The following ZMYND15 variants were observed in gnomAD, a reference collection of about 807,000 sequenced individuals.
ZMYND15 encodes the protein zinc finger MYND-type containing 15.
Under a neutral mutation model 81.7 loss-of-function variants are expected in ZMYND15, and 54 were observed. The ratio of observed to expected loss-of-function variants is 0.66; its 90% confidence interval spans 0.53 to 0.83. ZMYND15 has a LOEUF of 0.83. Among genes scored for constraint, ZMYND15 ranks in the 40% least tolerant of loss-of-function variants. The pLI is 0.00. For synonymous variants in ZMYND15, 399 were observed against 387.0 expected (o/e 1.03, Z -0.36); for missense variants, 925 against 973.5 (o/e 0.95, Z 0.66).
Position 4,745,735 on chromosome 17 carries a change from G to GGGAGCCCCGA in ZMYND15, c.2058-84_2058-83insGGAGCCCCGA. The GGGAGCCCCGA allele has an allele frequency of 2.6e-6, 2 of 775,946 alleles. No homozygotes were observed. Among genetic ancestry groups the GGGAGCCCCGA allele is most frequent in the South Asian group, 2.1e-5 (1 of 47,416 alleles). The allele number at this position is 775,946 out of a possible 1,614,324, so 48.1% of individuals were successfully genotyped here. A position where few individuals can be genotyped will look rare whatever the true frequency, so the allele number is the denominator to read the frequency against. ...GCCCCGCCCCCTGGTCCCTGACCGC[G>GGGAGCCCCGA]CCCCTGGGAGCCCCGACCCCTGGGA... is the stretch of plus-strand genomic sequence containing the variant. On this transcript the variant is annotated intron_variant, in intron 13 of 13. Transcript: ENST00000433935. This position sits in a 1 kb window ranked among gnomAD's most constrained non-coding sequence, Gnocchi z 5.2.
rs186767116 is a variant in ZMYND15 at position 4,744,834 on chromosome 17, C to T, written c.1838-36C>T. 303 of 1,614,100 alleles carry T rather than the reference C, an allele frequency of 1.9e-4. 1 individual carries two copies. The highest frequency in any genetic ancestry group is 1.4e-3 in the Admixed American group (86 of 60,000). On this transcript the variant is annotated intron_variant, in intron 11 of 13. Transcript: ENST00000433935. The surrounding 1 kb of genome is among the most constrained non-coding windows in gnomAD (Gnocchi z 4.1). ...TGGGGAAGGTGGGAGAGAAGCCCAC[C>T]GTGGGAGCCAGCTTCTCCCTCCTCT... is the stretch of plus-strand genomic sequence containing the variant.
rs531504838 is a variant in ZMYND15 at position 4,745,051 on chromosome 17, T to C, written c.1896+123T>C. The C allele has an allele frequency of 7.1e-5, 108 of 1,522,444 alleles. No individual in the cohort carries two copies. Among genetic ancestry groups the C allele is most frequent in the Admixed American group, 5.6e-4 (32 of 57,358 alleles). The allele number at this position is 1,522,444 out of a possible 1,614,324, so 94.3% of individuals were successfully genotyped here. ...TCACCTGCTCCACAAACCTGGGGAGTGCCCACGGGTCCCCCTGCCTCTCTC... is the reference window on the plus strand; with the variant it reads ...TCACCTGCTCCACAAACCTGGGGAGCGCCCACGGGTCCCCCTGCCTCTCTC... On this transcript the variant is annotated intron_variant, in intron 12 of 13. Coordinates refer to ENST00000433935, the MANE Select transcript of ZMYND15 (RefSeq NM_001136046.3). The surrounding 1 kb of genome is among the most constrained non-coding windows in gnomAD (Gnocchi z 5.2).
In ZMYND15 at chr17:4,743,484, C is replaced by T. The variant is rs746233538; in HGVS notation, c.1297+29C>T. 5.0e-6 allele frequency: 8 copies of T among 1,612,216 alleles called. No individual in the cohort carries two copies. The East Asian group carries it at 1.1e-4, about 22-fold the overall frequency. On this transcript the variant is annotated intron_variant, in intron 6 of 13. Transcript: ENST00000433935. The surrounding 1 kb of genome is among the most constrained non-coding windows in gnomAD (Gnocchi z 4.3). ...CGTGGGGTCTCTCCAGGCATGGGCCCCTTGGCCTAGAGGGAAGGACTGGGA... is the reference window on the plus strand; with the variant it reads ...CGTGGGGTCTCTCCAGGCATGGGCCTCTTGGCCTAGAGGGAAGGACTGGGA...
chr17:4,744,498 C>T lies in ZMYND15; in HGVS notation c.1683+31C>T, dbSNP rs369111723. 2 of 1,613,454 alleles carry T rather than the reference C, an allele frequency of 1.2e-6. No individual in the cohort carries two copies. Among genetic ancestry groups the T allele is most frequent in the South Asian group, 2.2e-5 (2 of 91,052 alleles). On this transcript the variant is annotated intron_variant, in intron 10 of 13. Transcript: ENST00000433935. The surrounding 1 kb of genome is among the most constrained non-coding windows in gnomAD (Gnocchi z 4.1). ...GGCTGAGGGGGCCCTGCTTTTCAGCCCTGACCCCTCCAGTGACCTCCTGGT... is the reference window on the plus strand; with the variant it reads ...GGCTGAGGGGGCCCTGCTTTTCAGCTCTGACCCCTCCAGTGACCTCCTGGT...
In ZMYND15 at chr17:4,745,346, C is replaced by T. The variant is rs1720033921; in HGVS notation, c.2028C>T (p.Arg676=). Residue 676 remains arginine (R), a synonymous_variant, in exon 13 of 14, where the codon CGC becomes CGT. Transcript: ENST00000433935. This position sits in a 1 kb window ranked among gnomAD's most constrained non-coding sequence, Gnocchi z 5.2. ...CCAACCCCTTCCGCTCCCCCTTTCG[C>T]CTCAGAGCGGCCGACAACTGCATGT... The part of the protein sequence containing the change: ...PQPNPFRSPF[R]LRAADNCMSW... The T allele has an allele frequency of 4.3e-6, 7 of 1,609,352 alleles. No individual in the cohort carries two copies. The Admixed American group carries it at 1.2e-4, about 27-fold the overall frequency.
chr17:4,743,876 G>A lies in ZMYND15; in HGVS notation c.1378+29G>A. The stretch of plus-strand genomic sequence containing the variant: ...AGCTGGAGGGGCCCTGTGGAAGCTA[G>A]GGGTAGGGCCAGGGACTGGAGAACC... On this transcript the variant is annotated intron_variant, in intron 7 of 13. Coordinates refer to ENST00000433935, the MANE Select transcript of ZMYND15 (RefSeq NM_001136046.3). This position sits in a 1 kb window ranked among gnomAD's most constrained non-coding sequence, Gnocchi z 4.3. The A allele has an allele frequency of 1.9e-6, 3 of 1,611,578 alleles. No individual in the cohort carries two copies. The highest frequency in any genetic ancestry group is 2.2e-5 in the East Asian group (1 of 44,844).
chr17:4,741,783 G>C lies in ZMYND15; in HGVS notation c.794G>C (p.Arg265Pro). ...PMGSGDPRKP[R>P]QLTVGDARLH... ...GGCTCTGGGGATCCCCGAAAGCCCCGACAGCTTACTGTGGGAGATGCCCGG... is the reference window on the plus strand; with the variant it reads ...GGCTCTGGGGATCCCCGAAAGCCCCCACAGCTTACTGTGGGAGATGCCCGG... The change falls in exon 3 of 14, where the codon CGA becomes CCA. Residue 265 changes from arginine (R) to proline (P), a missense_variant. Coordinates refer to ENST00000433935, the MANE Select transcript of ZMYND15 (RefSeq NM_001136046.3). The C allele has an allele frequency of 6.3e-7, 1 of 1,580,100 alleles. No homozygotes were observed. Among genetic ancestry groups the C allele is most frequent in the Non-Finnish European group, 8.6e-7 (1 of 1,161,206 alleles).
At position 4,744,946 on chromosome 17, in the gene ZMYND15, A is replaced by G; in HGVS notation, c.1896+18A>G. 6.2e-7 allele frequency: 1 copy of G among 1,613,862 alleles called. No individual in the cohort carries two copies. Among genetic ancestry groups the G allele is most frequent in the South Asian group, 1.1e-5 (1 of 91,076 alleles). ...GGTTACAGGTGGGCAATGGGGGCAA[A>G]AGGGAACTTCTCTCCCCTCCTGCCT... On this transcript the variant is annotated intron_variant, in intron 12 of 13. Coordinates refer to ENST00000433935, the MANE Select transcript of ZMYND15 (RefSeq NM_001136046.3). This position sits in a 1 kb window ranked among gnomAD's most constrained non-coding sequence, Gnocchi z 4.1.
rs1311241242 is a variant in ZMYND15, at chr17:4,743,930, T to C, written c.1379-61T>C. 3 of 1,574,370 alleles carry C rather than the reference T, an allele frequency of 1.9e-6. No homozygotes were observed. Among genetic ancestry groups the C allele is most frequent in the Non-Finnish European group, 1.7e-6 (2 of 1,156,808 alleles). On this transcript the variant is annotated intron_variant, in intron 7 of 13. Transcript: ENST00000433935. The surrounding 1 kb of genome is among the most constrained non-coding windows in gnomAD (Gnocchi z 4.3). ...GCCTGGGTGGCTGTGAAGAAGAGGT[T>C]TGTTAGACTAGAGGGGGTGGGGGTC...
rs575390756 is a variant in ZMYND15 at position 4,744,709 on chromosome 17, G to A, written c.1768G>A (p.Asp590Asn). The change falls in exon 11 of 14, where the codon GAC becomes AAC. Residue 590 changes from aspartate (D) to asparagine (N), a missense_variant. Coordinates refer to ENST00000433935, the MANE Select transcript of ZMYND15 (RefSeq NM_001136046.3). This position sits in a 1 kb window ranked among gnomAD's most constrained non-coding sequence, Gnocchi z 4.1. The part of the protein sequence containing the change: ...SGTKEKGGRR[D>N]LQIKVSARPY... ...CACTAAGGAGAAAGGGGGCCGCAGG[G>A]ACCTGCAGATCAAGGTGTCAGCAAG... 5.1e-5 allele frequency: 83 copies of A among 1,614,120 alleles called. 3 individuals are homozygous for A. In the South Asian group the frequency reaches 8.9e-4, roughly 17 times the overall value.
At position 4,741,810 on chromosome 17, in the gene ZMYND15, T is replaced by C; in HGVS notation, c.821T>C (p.Leu274Pro). ...PRQLTVGDAR[L>P]HRELESLVPR... is the part of the protein sequence containing the mutation. ...CAGCTTACTGTGGGAGATGCCCGGC[T>C]GCATCGGTATAGAAATCTGGTATCT... Residue 274 changes from leucine (L) to proline (P), a missense_variant, in exon 3 of 14, where the codon CTG (leucine) becomes CCG (proline). Transcript: ENST00000433935. 1 of 1,573,648 alleles carries C rather than the reference T, an allele frequency of 6.4e-7. No homozygotes were observed. Among genetic ancestry groups the C allele is most frequent in the South Asian group, 1.2e-5 (1 of 85,174 alleles).
Position 4,745,012 on chromosome 17 carries a change from C to T in ZMYND15, c.1896+84C>T, listed in dbSNP as rs957809649. The T allele has an allele frequency of 6.3e-7, 1 of 1,583,912 alleles. No homozygotes were observed. The highest frequency in any genetic ancestry group is 1.1e-5 in the South Asian group (1 of 89,882). On this transcript the variant is annotated intron_variant, in intron 12 of 13. Coordinates refer to ENST00000433935, the MANE Select transcript of ZMYND15 (RefSeq NM_001136046.3). The surrounding 1 kb of genome is among the most constrained non-coding windows in gnomAD (Gnocchi z 5.2). ...CCTTTTCTGAAAGTCTCTGGGCTCT[C>T]CTCCTCTTCACCATCACCTGCTCCA... is the stretch of plus-strand genomic sequence containing the variant.
chr17:4,741,031 A>G lies in ZMYND15; in HGVS notation c.483A>G (p.Pro161=). The G allele has an allele frequency of 6.4e-7, 1 of 1,552,954 alleles. No homozygotes were observed. The highest frequency in any genetic ancestry group is 8.7e-7 in the Non-Finnish European group (1 of 1,147,528). ...AGTCCCCCCAGGAAACAAACCCTCC[A>G]GGAGAGTCAGAGGAGGCTGCCCGGG... is the stretch of plus-strand genomic sequence containing the variant. ...SRESPQETNP[P]GESEEAAREA... Residue 161 remains proline, a synonymous_variant, in exon 2 of 14, where the codon CCA becomes CCG. Transcript: ENST00000433935.
Position 4,743,066 on chromosome 17 carries a change from T to C in ZMYND15, c.1145-237T>C, listed in dbSNP as rs899490320. Among the ~76,000 whole-genome samples, 1 of 151,884 alleles carries C rather than the reference T, an allele frequency of 6.6e-6. No homozygotes were observed. Among genetic ancestry groups the C allele is most frequent in the Non-Finnish European group, 1.5e-5 (1 of 67,960 alleles). ...TGAGATCAGCCTGGGCAACATAGACTCTGTCTCTACAAAAAATAGAAAAAA... is the reference window on the plus strand; with the variant it reads ...TGAGATCAGCCTGGGCAACATAGACCCTGTCTCTACAAAAAATAGAAAAAA... On this transcript the variant is annotated intron_variant, in intron 5 of 13. Coordinates refer to ENST00000433935, the MANE Select transcript of ZMYND15 (RefSeq NM_001136046.3). The surrounding 1 kb of genome is among the most constrained non-coding windows in gnomAD (Gnocchi z 4.3).
Position 4,745,223 on chromosome 17 carries a change from A to C in ZMYND15, c.1905A>C (p.Arg635=). ...CTCTCGCTCCACCCCAGTCCCTCCG[A>C]GTGCCAGCCTTCTTCACCGAGAGCA... ...LRSLPRLQSL[R]VPAFFTESSE... Residue 635 remains arginine, a synonymous_variant, in exon 13 of 14, where the codon CGA becomes CGC. Transcript: ENST00000433935. The surrounding 1 kb of genome is among the most constrained non-coding windows in gnomAD (Gnocchi z 5.2). 3 of 1,613,806 alleles carry C rather than the reference A, an allele frequency of 1.9e-6. No individual in the cohort carries two copies. The highest frequency in any genetic ancestry group is 2.5e-6 in the Non-Finnish European group (3 of 1,179,950).
rs1916578432 is a variant in ZMYND15, at chr17:4,744,538, C to T, written c.1683+71C>T. ...GACCTCCTGGTTGGGTCCTGCCCTT[C>T]TGCCCCCCACTCCCCATCTTGCCTG... On this transcript the variant is annotated intron_variant, in intron 10 of 13. Coordinates refer to ENST00000433935, the MANE Select transcript of ZMYND15 (RefSeq NM_001136046.3). This position sits in a 1 kb window ranked among gnomAD's most constrained non-coding sequence, Gnocchi z 4.1. 15 of 1,604,080 alleles carry T rather than the reference C, an allele frequency of 9.4e-6. No individual in the cohort carries two copies. The highest frequency in any genetic ancestry group is 1.2e-5 in the Non-Finnish European group (14 of 1,173,954).
rs1389508710 is a variant in ZMYND15 at position 4,745,147 on chromosome 17, T to G, written c.1897-68T>G. 6.2e-7 allele frequency: 1 copy of G among 1,610,572 alleles called. No individual in the cohort carries two copies. Among genetic ancestry groups the G allele is most frequent in the East Asian group, 2.2e-5 (1 of 44,832 alleles). On this transcript the variant is annotated intron_variant, in intron 12 of 13. Transcript: ENST00000433935. This position sits in a 1 kb window ranked among gnomAD's most constrained non-coding sequence, Gnocchi z 5.2. ...CCGGGGACCTCGGCTTTCAGCCCGG[T>G]CTGTCATTCTGGCTGCTGGGATGGA...
Position 4,743,820 on chromosome 17 carries a change from C to T in ZMYND15, c.1351C>T (p.Pro451Ser), listed in dbSNP as rs752518697. ...GDGTALMPPVPPHPPRGVFGS... is the reference protein window; with the variant it reads ...GDGTALMPPVSPHPPRGVFGS... ...CGGGACTGCCCTGATGCCTCCTGTG[C>T]CCCCACATCCACCCCGGGGTGTTTT... Residue 451 changes from proline (P) to serine (S), a missense_variant, in exon 7 of 14, where the codon CCC (proline) becomes TCC (serine). Physicochemically the swap from Pro to Ser is moderately conservative, Grantham distance 74 (BLOSUM62 -1). Coordinates refer to ENST00000433935, the MANE Select transcript of ZMYND15 (RefSeq NM_001136046.3). This position sits in a 1 kb window ranked among gnomAD's most constrained non-coding sequence, Gnocchi z 4.3. 22 of 1,613,862 alleles carry T rather than the reference C, an allele frequency of 1.4e-5. No homozygotes were observed. The highest frequency in any genetic ancestry group is 3.3e-5 in the Admixed American group (2 of 59,996).
Position 4,745,196 on chromosome 17 carries a change from G to C in ZMYND15, c.1897-19G>C, listed in dbSNP as rs754876128. 4 of 1,613,878 alleles carry C rather than the reference G, an allele frequency of 2.5e-6. No individual in the cohort carries two copies. Among genetic ancestry groups the C allele is most frequent in the Non-Finnish European group, 3.4e-6 (4 of 1,179,918 alleles). On this transcript the variant is annotated intron_variant, in intron 12 of 13. Transcript: ENST00000433935. This position sits in a 1 kb window ranked among gnomAD's most constrained non-coding sequence, Gnocchi z 5.2. ...GATTTGGGGAGGGGCCTCTCAGAGC[G>C]ACTCTCGCTCCACCCCAGTCCCTCC... is the stretch of plus-strand genomic sequence containing the variant.
Sources: allele counts gnomAD v4.1 joint callset (sites outside exome capture counted in the v4.1 genomes callset), GRCh38; gene constraint gnomAD v4.1.1; non-coding constraint Gnocchi (gnomAD v3.1); transcripts MANE v1.5; gene names NCBI Gene and HGNC (gene_info 2026-07-23, HGNC 2026-07-21).